GOLGA8M: variants seen among roughly 807,000 people sequenced by gnomAD.
GOLGA8M encodes the protein golgin subfamily A member 8M.
Under a neutral mutation model 87.7 loss-of-function variants are expected in GOLGA8M, and 34 were observed. The ratio of observed to expected loss-of-function variants is 0.39; its 90% CI spans 0.29 to 0.52. The LOEUF (loss-of-function observed/expected upper bound fraction) is 0.52, where lower values mean the gene tolerates loss of function less well. Among genes scored for constraint, GOLGA8M ranks in the 20% least tolerant of loss-of-function variants. GOLGA8M has a pLI of 0.80. For synonymous variants in GOLGA8M, 138 were observed against 250.2 expected, an observed-to-expected ratio of 0.55 and a Z score of 4.23; for missense variants, 396 against 682.2, an observed-to-expected ratio of 0.58 and a Z score of 4.67.
chr15:28,709,915 C>T (rs1317519824), intron 2 of GOLGA8M, among the ~76,000 whole-genome samples: 1 of 141,546 alleles, frequency 7.1e-6, no homozygotes, highest in African/African-American at 2.7e-5. Context: ...TAGGGATTAA[C>T]ATAAAAACAA....
Position 28,700,333 on chromosome 15 carries a change from TC to T in GOLGA8M, c.*1620del, listed in dbSNP as rs2079759133. On this transcript the variant is annotated 3_prime_UTR_variant, in exon 19 of 19. Transcript: ENST00000563027. ...ACTTCATGAAGTTTTAACTGTTGAG[TC>T]TTTCCCAAGCATCATCAAGTTACGA... Among the ~76,000 whole-genome samples the T allele has an allele frequency of 9.6e-6, 1 of 104,442 alleles. No individual in the cohort carries two copies. Among genetic ancestry groups the T allele is most frequent in the South Asian group, 3.7e-4 (1 of 2,670 alleles). 68.5% of individuals were successfully genotyped at this position (104,442 alleles called of 152,430 possible). A position where few individuals can be genotyped will look rare whatever the true frequency, so the allele number is the denominator to read the frequency against.
rs1567291544 is a variant in GOLGA8M, at chr15:28,699,330, C to CT, written c.*2623dup. 1.3e-5 allele frequency among the ~76,000 whole-genome samples: 2 copies of CT among 149,146 alleles called. No homozygotes were observed. The highest frequency in any genetic ancestry group is 2.3e-4 in the East Asian group (1 of 4,362). The stretch of plus-strand genomic sequence containing the variant: ...TAAAATTCTGTGTTTCTGATGAACT[C>CT]TAACATTCCAATGTTGCCTTCTAAG... On this transcript the variant is annotated 3_prime_UTR_variant, in exon 19 of 19. Coordinates refer to ENST00000563027, the MANE Select transcript of GOLGA8M (RefSeq NM_001282468.3).
At chr15:28,705,108 G>C (rs1435320493) in intron 13 of GOLGA8M, 51 bp downstream of exon 13, 1 of 1,594,136 alleles carries the variant, frequency 6.3e-7, no homozygotes, top group Non-Finnish European at 8.5e-7. Context: ...AGAGGCTGCT[G>C]CCCGCCTCCC....
At position 28,712,140 on chromosome 15, in the gene GOLGA8M, T is replaced by A. The variant is rs1010610576; in HGVS notation, c.48+136A>T. On this transcript the variant is annotated intron_variant, in intron 1 of 18. Transcript: ENST00000563027. ...GTGGGGCTGACTGACAAAACTTTGA[T>A]GGGGGTAGCCCAAGGCACCGGGGTT... 2.0e-6 allele frequency: 3 copies of A among 1,535,214 alleles called. No individual in the cohort carries two copies. In the African/African-American group the frequency reaches 4.1e-5, roughly 21 times the overall value.
rs770266717 is a variant in GOLGA8M at position 28,702,565 on chromosome 15, G to C, written c.1470-3C>G. The stretch of plus-strand genomic sequence containing the variant: ...CTGATAAAAGGTGATGGATTTTCCT[G>C]CGGGAGGACGGGGCTCAGACGCTGG... On this transcript the variant is annotated splice_polypyrimidine_tract_variant and splice_region_variant and intron_variant, in intron 16 of 18. Coordinates refer to ENST00000563027, the MANE Select transcript of GOLGA8M (RefSeq NM_001282468.3). 1 of 1,607,516 alleles carries C rather than the reference G, an allele frequency of 6.2e-7. No individual in the cohort carries two copies. Among genetic ancestry groups the C allele is most frequent in the Admixed American group, 1.7e-5 (1 of 59,970 alleles).
At position 28,705,788 on chromosome 15, in the gene GOLGA8M, A is replaced by T. The variant is rs2080004488; in HGVS notation, c.875-49T>A. The T allele has an allele frequency of 3.2e-6, 5 of 1,556,846 alleles. 1 individual carries two copies. Among genetic ancestry groups the T allele is most frequent in the Non-Finnish European group, 4.3e-6 (5 of 1,173,980 alleles). ...GGGCCTCTGGATTCTCGGAAAAGAA[A>T]AACCCTCCTCTTGGCGCACAGCTCC... On this transcript the variant is annotated intron_variant, in intron 11 of 18. Transcript: ENST00000563027.
Position 28,701,916 on chromosome 15 carries a change from T to G in GOLGA8M, c.*38A>C. 1 of 1,591,470 alleles carries G rather than the reference T, an allele frequency of 6.3e-7. No homozygotes were observed. On this transcript the variant is annotated 3_prime_UTR_variant, in exon 19 of 19. Transcript: ENST00000563027. ...TAACCCCATAACTTGGTTTCTTATTTAAAAATTTCTTGAGCAGCTCTTTGA... is the reference window on the plus strand; with the variant it reads ...TAACCCCATAACTTGGTTTCTTATTGAAAAATTTCTTGAGCAGCTCTTTGA...
At position 28,706,476 on chromosome 15, in the gene GOLGA8M, C is replaced by G; in HGVS notation, c.709G>C (p.Glu237Gln). 1 of 1,296,350 alleles carries G rather than the reference C, an allele frequency of 7.7e-7. No homozygotes were observed. Among genetic ancestry groups the G allele is most frequent in the South Asian group, 1.2e-5 (1 of 82,152 alleles). The allele number at this position is 1,296,350 out of a possible 1,614,324, so 80.3% of individuals were successfully genotyped here. Reference protein sequence around the residue: ...LKESFQQVQLERDEYSEHLKG... With the variant: ...LKESFQQVQLQRDEYSEHLKG... ...AGATGTTCAGAATACTCATCTCTTT[C>G]TAATTGGACTTGTTGAAATGACTCC... The change falls in exon 10 of 19, where the codon GAA becomes CAA. Residue 237 changes from glutamate to glutamine, a missense_variant. By Grantham distance (29) the Glu-to-Gln change is conservative. Transcript: ENST00000563027.
chr15:28,705,726 G>A lies in GOLGA8M; in HGVS notation c.888C>T (p.Pro296=). The A allele has an allele frequency of 6.4e-7, 1 of 1,572,240 alleles. No homozygotes were observed. ...CAGAGGGCACTGCTGGGGGCTCCGG[G>A]GGCAAGGGTTCAGCTGAGAAAGGAA... ...KLKNQMAEPL[P]PEPPAVPSEV... Residue 296 remains proline, a synonymous_variant, in exon 12 of 19, where the codon CCC becomes CCT. Transcript: ENST00000563027.
At position 28,704,922 on chromosome 15, in the gene GOLGA8M, G is replaced by C. The variant is rs994868749; in HGVS notation, c.1200+237C>G. 2.2e-4 allele frequency: 194 copies of C among 890,268 alleles called. 9 individuals carry two copies. The African/African-American group carries it at 2.7e-3, about 12-fold the overall frequency. The allele number at this position is 890,268 out of a possible 1,614,324, so 55.1% of individuals were successfully genotyped here. ...GTTATAGCACTGTCTCTTCCCCTGTGATTGGGGGCTCCATGCCTCTAGCTA... is the reference window on the plus strand; with the variant it reads ...GTTATAGCACTGTCTCTTCCCCTGTCATTGGGGGCTCCATGCCTCTAGCTA... On this transcript the variant is annotated intron_variant, in intron 13 of 18. Coordinates refer to ENST00000563027, the MANE Select transcript of GOLGA8M (RefSeq NM_001282468.3).
intron 8 of GOLGA8M, among the ~76,000 whole-genome samples, chr15:28,707,352 T>C (rs147886184): frequency 2.2e-5 from 3 of 137,462 alleles, no homozygotes; most frequent in Non-Finnish European, 3.0e-5. Context: ...TATATTATCA[T>C]AGTATGTACA....
At chr15:28,703,490 T>TA in intron 14 of GOLGA8M, 80 bp from the exon 15 acceptor site, 1 of 536,388 alleles carries the variant, frequency 1.9e-6, no homozygotes, top group Non-Finnish European at 3.1e-6. Flanking sequence ...CCACCCTCAC[T>TA]GTGTAACCCT....
upstream of GOLGA8M, among the ~76,000 whole-genome samples, chr15:28,712,955 T>C (rs1221767771): frequency 6.6e-6 from 1 of 150,396 alleles, no homozygotes; most frequent in Non-Finnish European, 1.5e-5. Flanking sequence ...CAATGATTTC[T>C]CTTTTTTGGA....
At chr15:28,711,813 C>T (rs1170581726) in intron 1 of GOLGA8M, 19 of 983,700 alleles carry the variant, frequency 1.9e-5, no homozygotes, top group Non-Finnish European at 2.3e-5. Flanking sequence ...AGGGTTGGGA[C>T]CCAGCTCCTT....
At chr15:28,710,153 T>A (rs1257203361) in intron 2 of GOLGA8M, among the ~76,000 whole-genome samples, 2 of 145,386 alleles carry the variant, frequency 1.4e-5, no homozygotes, top group African/African-American at 5.2e-5. Context: ...TCTTGGCTAC[T>A]GCAAGCTCCA....
Position 28,702,326 on chromosome 15 carries a change from G to A in GOLGA8M, c.1611C>T (p.Ser537=). Residue 537 remains serine, a synonymous_variant, in exon 18 of 19, where the codon AGC becomes AGT. Transcript: ENST00000563027. The stretch of plus-strand genomic sequence containing the variant: ...ATTTTCTGTGCCCATTGTTGTAGTT[G>A]CTGTAAGCCGCAATACCATCTGCTG... ...GAAADGIAAY[S]NYNNGHRKFL... 1 of 1,529,920 alleles carries A rather than the reference G, an allele frequency of 6.5e-7. No individual in the cohort carries two copies. The highest frequency in any genetic ancestry group is 8.7e-7 in the Non-Finnish European group (1 of 1,146,742). 94.8% of individuals were successfully genotyped at this position (1,529,920 alleles called of 1,614,324 possible).
At chr15:28,703,100 C>G (rs1408992061) in intron 15 of GOLGA8M, 3 of 674,726 alleles carry the variant, frequency 4.4e-6, no homozygotes, top group Non-Finnish European at 3.5e-6. Flanking sequence ...TAGGGGCATA[C>G]ACAGAACAAA....
chr15:28,705,136 G>T lies in GOLGA8M; in HGVS notation c.1200+23C>A, dbSNP rs1413493011. Reference sequence around the variant, plus strand: ...CGCCTCCCAGCCCTTCTTGGATGGGGTGGAGGTTTCCGACTCCTTCACCTC... The same window carrying T: ...CGCCTCCCAGCCCTTCTTGGATGGGTTGGAGGTTTCCGACTCCTTCACCTC... On this transcript the variant is annotated intron_variant, in intron 13 of 18. Coordinates refer to ENST00000563027, the MANE Select transcript of GOLGA8M (RefSeq NM_001282468.3). The T allele has an allele frequency of 4.4e-6, 7 of 1,598,114 alleles. No individual in the cohort carries two copies. In the East Asian group the frequency reaches 1.1e-4, roughly 25 times the overall value.
chr15:28,702,317 G>T lies in GOLGA8M; in HGVS notation c.1620C>A (p.Asn540Lys). Residue 540 changes from asparagine to lysine, a missense_variant, in exon 18 of 19, where the codon AAC (asparagine) becomes AAA (lysine). Around this residue, in one of 12 missense-constraint regions of GOLGA8M, gnomAD observed 173 missense variants for 150.2 expected, o/e 1.15. Coordinates refer to ENST00000563027, the MANE Select transcript of GOLGA8M (RefSeq NM_001282468.3). Reference protein sequence around the residue: ...ADGIAAYSNYNNGHRKFLAAA... With the variant: ...ADGIAAYSNYKNGHRKFLAAA... ...CGGCCAGGAATTTTCTGTGCCCATTGTTGTAGTTGCTGTAAGCCGCAATAC... is the reference window on the plus strand; with the variant it reads ...CGGCCAGGAATTTTCTGTGCCCATTTTTGTAGTTGCTGTAAGCCGCAATAC... 6.5e-7 allele frequency: 1 copy of T among 1,531,126 alleles called. No individual in the cohort carries two copies. The highest frequency in any genetic ancestry group is 8.7e-7 in the Non-Finnish European group (1 of 1,147,154). The allele number at this position is 1,531,126 out of a possible 1,614,324, so 94.8% of individuals were successfully genotyped here.
Sources: allele counts gnomAD v4.1 joint callset (sites outside exome capture counted in the v4.1 genomes callset), GRCh38; gene constraint gnomAD v4.1.1; regional missense constraint gnomAD v4.1.1; transcripts MANE v1.5; gene names NCBI Gene and HGNC (gene_info 2026-07-23, HGNC 2026-07-21).